Variants in PITPNM3 observed in about 807,000 individuals in gnomAD.
PITPNM3 encodes the protein membrane-associated phosphatidylinositol transfer protein 3.
In PITPNM3, 26 loss-of-function variants were observed where a neutral mutation model predicts 102.0. The observed-to-expected ratio is 0.25, with a 90% CI of 0.19 to 0.35. The LOEUF is 0.35. PITPNM3 is among the 10% of genes least tolerant of loss of function. PITPNM3 has a pLI of 1.00. For synonymous variants in PITPNM3, 578 were observed against 558.6 expected, an observed-to-expected ratio of 1.03 and a Z score of -0.49; for missense variants, 1,083 against 1,346.1, an observed-to-expected ratio of 0.80 and a Z score of 3.06.
At position 6,533,088 on chromosome 17, in the gene PITPNM3, G is replaced by A. The variant is rs185051296; in HGVS notation, c.118+4899C>T. Among the ~76,000 whole-genome samples, 1,098 of 151,902 alleles carry A rather than the reference G, an allele frequency of 7.2e-3. 11 individuals carry two copies. Among genetic ancestry groups the A allele is most frequent in the African/African-American group, 0.025 (1,027 of 41,386 alleles). Reference sequence around the variant, plus strand: ...AATTATTCTCCTGCCTCAGCCTCCCGAGTAGCTGGGATTACAGGAATGCTC... The same window carrying A: ...AATTATTCTCCTGCCTCAGCCTCCCAAGTAGCTGGGATTACAGGAATGCTC... On this transcript the variant is annotated intron_variant, in intron 2 of 19. Coordinates refer to ENST00000262483, the MANE Select transcript of PITPNM3 (RefSeq NM_031220.4).
intron 2 of PITPNM3, among the ~76,000 whole-genome samples, chr17:6,532,402 A>G (rs2150656061): frequency 6.6e-6 from 1 of 152,284 alleles, no homozygotes; most frequent in East Asian, 1.9e-4. Context: ...TGACATATGT[A>G]CATACCTGTA....
chr17:6,536,676 G>C (rs1173969874), intron 2 of PITPNM3, among the ~76,000 whole-genome samples: 1 of 152,236 alleles, frequency 6.6e-6, no homozygotes, highest in Non-Finnish European at 1.5e-5. Flanking sequence ...GCCCCGCCAA[G>C]GTCACAGAAC....
chr17:6,540,873 A>G (rs187161), intron 1 of PITPNM3, among the ~76,000 whole-genome samples: 109,700 of 152,062 alleles, frequency 0.72, 40,046 homozygotes, highest in African/African-American at 0.82. Context: ...TGGCTAGGCT[A>G]GTCTCGAACT....
Position 6,469,466 on chromosome 17 carries a change from C to T in PITPNM3, c.1773+794G>A, listed in dbSNP as rs1227289865. The stretch of plus-strand genomic sequence containing the variant: ...ACTTTCCTCCGCCCCCTGCCCAGCC[C>T]TGCTCTTCCGCACGTGCAGGACACA... On this transcript the variant is annotated intron_variant, in intron 13 of 19. Transcript: ENST00000262483. The surrounding 1 kb of genome is among the most constrained non-coding windows in gnomAD (Gnocchi z 4.0). Among the ~76,000 whole-genome samples, 2 of 152,122 alleles carry T rather than the reference C, an allele frequency of 1.3e-5. No homozygotes were observed. Among genetic ancestry groups the T allele is most frequent in the African/African-American group, 2.4e-5 (1 of 41,432 alleles).
At chr17:6,490,700 A>G (rs1253191934) in intron 4 of PITPNM3, among the ~76,000 whole-genome samples, 1 of 151,696 alleles carries the variant, frequency 6.6e-6, no homozygotes, top group Admixed American at 6.6e-5. Flanking sequence ...TCATGCCTAT[A>G]ATCCCAGTAC....
chr17:6,467,079 AC>A (rs58608756), intron 14 of PITPNM3, among the ~76,000 whole-genome samples: 29,423 of 68,356 alleles, frequency 0.43, 3,938 homozygotes, highest in South Asian at 0.58. Context: ...AAAAAAAAAA[AC>A]CAAAAAAAAA....
intron 4 of PITPNM3, among the ~76,000 whole-genome samples, chr17:6,501,684 C>T (rs989478033): frequency 1.3e-5 from 2 of 152,184 alleles, no homozygotes; most frequent in African/African-American, 4.8e-5. Flanking sequence ...GGGCTCAGGT[C>T]TGCAGCCACT....
rs1238905066 is a variant in PITPNM3 at position 6,478,186 on chromosome 17, G to T, written c.778-89C>A. Reference sequence around the variant, plus strand: ...CCAGAGCAGTGCTGCCTCCCCACAGGAGAATGAGAAACTCGTCCTTGGGAG... The same window carrying T: ...CCAGAGCAGTGCTGCCTCCCCACAGTAGAATGAGAAACTCGTCCTTGGGAG... On this transcript the variant is annotated intron_variant, in intron 7 of 19. Transcript: ENST00000262483. The surrounding 1 kb of genome is among the most constrained non-coding windows in gnomAD (Gnocchi z 4.4). 4.4e-6 allele frequency: 7 copies of T among 1,586,204 alleles called. No individual in the cohort carries two copies. The Admixed American group carries it at 1.2e-4, about 27-fold the overall frequency.
intron 2 of PITPNM3, among the ~76,000 whole-genome samples, chr17:6,531,679 CA>C (rs1909154557): frequency 6.6e-6 from 1 of 152,206 alleles, no homozygotes. Context: ...AGAGGACACC[CA>C]CTGCCTTCCA....
intron 3 of PITPNM3, among the ~76,000 whole-genome samples, chr17:6,507,212 G>T (rs910609639): frequency 2.5e-4 from 38 of 152,180 alleles, no homozygotes; most frequent in Admixed American, 7.2e-4. Context: ...CTTCAAGGCG[G>T]CAGGAGGCAG....
At chr17:6,506,070 A>C (rs1249016023) in intron 3 of PITPNM3, among the ~76,000 whole-genome samples, 1 of 152,104 alleles carries the variant, frequency 6.6e-6, no homozygotes, top group Non-Finnish European at 1.5e-5. Flanking sequence ...AGAAGGAAGG[A>C]AGGCAGGAAG....
chr17:6,543,861 G>A (rs1285543358), intron 1 of PITPNM3, among the ~76,000 whole-genome samples: 2 of 152,328 alleles, frequency 1.3e-5, no homozygotes, highest in African/African-American at 4.8e-5. Context: ...AGGAAGGGGT[G>A]GGCAGGGTTG....
chr17:6,478,463 G>C lies in PITPNM3; in HGVS notation c.777+84C>G. ...GCTGATTCGAGAACAGCCTGGCCTT[G>C]GCCCTTTCAGTAGATTCCAGCCTCT... On this transcript the variant is annotated intron_variant, in intron 7 of 19. Transcript: ENST00000262483. This position sits in a 1 kb window ranked among gnomAD's most constrained non-coding sequence, Gnocchi z 4.4. 6.5e-7 allele frequency: 1 copy of C among 1,528,134 alleles called. No individual in the cohort carries two copies. Among genetic ancestry groups the C allele is most frequent in the Non-Finnish European group, 9.0e-7 (1 of 1,111,268 alleles). The allele number at this position is 1,528,134 out of a possible 1,614,324, so 94.7% of individuals were successfully genotyped here.
Position 6,473,377 on chromosome 17 carries a change from C to A in PITPNM3, c.1259-550G>T, listed in dbSNP as rs901536033. On this transcript the variant is annotated intron_variant, in intron 10 of 19. Coordinates refer to ENST00000262483, the MANE Select transcript of PITPNM3 (RefSeq NM_031220.4). The stretch of plus-strand genomic sequence containing the variant: ...CCTCATCGGCGGGCCTCCCTGTCCT[C>A]CTAGAACAGGGACTGGACCGTCCAG... 2.6e-5 allele frequency among the ~76,000 whole-genome samples: 4 copies of A among 152,142 alleles called. No individual in the cohort carries two copies. In the South Asian group the frequency reaches 8.3e-4, roughly 32 times the overall value.
intron 1 of PITPNM3, among the ~76,000 whole-genome samples, chr17:6,538,627 G>A (rs79279069): frequency 4.1e-4 from 62 of 152,242 alleles, no homozygotes; most frequent in African/African-American, 1.3e-3. Context: ...ACTTCTGCTC[G>A]CATTTCACTG....
chr17:6,545,482 G>T (rs1317642035), intron 1 of PITPNM3, among the ~76,000 whole-genome samples: 1 of 152,054 alleles, frequency 6.6e-6, no homozygotes, highest in Non-Finnish European at 1.5e-5. Flanking sequence ...CAGGTCCCTG[G>T]GGCTTGCCTT....
At position 6,455,459 on chromosome 17, in the gene PITPNM3, G is replaced by T; in HGVS notation, c.2804C>A (p.Pro935His). 1 of 1,604,428 alleles carries T rather than the reference G, an allele frequency of 6.2e-7. No homozygotes were observed. ...RTMSVQQPDP[P>H]AANPKPERAQ... Reference sequence around the variant, plus strand: ...CCGCTCGGGCTTGGGGTTGGCGGCGGGCGGGTCGGGCTGCTGCACTGACAT... The same window carrying T: ...CCGCTCGGGCTTGGGGTTGGCGGCGTGCGGGTCGGGCTGCTGCACTGACAT... Residue 935 changes from proline (P) to histidine (H), a missense_variant, in exon 20 of 20, where the codon CCC (proline) becomes CAC (histidine). Transcript: ENST00000262483.
At chr17:6,520,691 G>A (rs1198904358) in intron 3 of PITPNM3, among the ~76,000 whole-genome samples, 1 of 152,200 alleles carries the variant, frequency 6.6e-6, no homozygotes, top group South Asian at 2.1e-4. Context: ...TATAATGTTT[G>A]TAGCAGCATT....
chr17:6,455,420 G>T lies in PITPNM3; in HGVS notation c.2843C>A (p.Pro948His). The change falls in exon 20 of 20, where the codon CCC becomes CAC. Residue 948 changes from proline to histidine, a missense_variant. By Grantham distance (77) the Pro-to-His change is moderately conservative. This residue lies in a region of PITPNM3 where 208 missense variants were observed against 178.2 expected (regional missense o/e 1.17). Transcript: ENST00000262483. ...NPKPERAQSQ[P>H]ESDKDHERPL... ...CCGCTCGTGGTCTTTGTCCGACTCG[G>T]GCTGGCTCTGGGCCCGCTCGGGCTT... 3 of 1,602,410 alleles carry T rather than the reference G, an allele frequency of 1.9e-6. No individual in the cohort carries two copies. The highest frequency in any genetic ancestry group is 2.5e-6 in the Non-Finnish European group (3 of 1,177,518).
Sources: gnomAD v4.1 joint callset for allele counts (sites outside exome capture counted in the v4.1 genomes callset) on GRCh38, gnomAD v4.1.1 for gene constraint, gnomAD v4.1.1 regional missense constraint, Gnocchi (gnomAD v3.1) non-coding constraint, MANE v1.5 for transcripts, NCBI Gene and HGNC (gene_info 2026-07-23, HGNC 2026-07-21) for gene names.